The following CRIM1 variants were observed in gnomAD, a reference collection of about 807,000 sequenced individuals.
CRIM1 encodes the protein cysteine-rich motor neuron 1 protein.
In CRIM1, 32 loss-of-function variants were observed where a neutral mutation model predicts 116.4. The observed-to-expected ratio is 0.27, with a 90% CI of 0.21 to 0.37. The LOEUF (loss-of-function observed/expected upper bound fraction) is 0.37. Among genes scored for constraint, CRIM1 ranks in the 10% least tolerant of loss-of-function variants. The pLI, the probability that CRIM1 is intolerant of heterozygous loss-of-function variation, is 1.00. For synonymous variants in CRIM1, 590 were observed against 509.2 expected (o/e 1.16, Z -2.13); for missense variants, 1,331 against 1,354.8 (o/e 0.98, Z 0.28).
intron 2 of CRIM1, among the ~76,000 whole-genome samples, chr2:36,417,978 G>A (rs1372586422): frequency 6.6e-6 from 1 of 152,198 alleles, no homozygotes; most frequent in Non-Finnish European, 1.5e-5. Flanking sequence ...CCAAGGAGGT[G>A]ATGGTGGTGG....
intron 2 of CRIM1, 49 bp downstream of exon 2, chr2:36,396,836 G>A (rs867859585): frequency 2.1e-6 from 3 of 1,435,426 alleles, no homozygotes; most frequent in Admixed American, 3.6e-5. Flanking sequence ...TTAGCATTAT[G>A]TAACCCTGAG....
rs1247471841 is a variant in CRIM1 at position 36,549,576 on chromosome 2, A to G, written c.*875A>G. The G allele has an allele frequency of 6.6e-6, 1 of 152,072 alleles. No individual in the cohort carries two copies. The highest frequency in any genetic ancestry group is 1.5e-5 in the Non-Finnish European group (1 of 67,924). The allele number at this position is 152,072 out of a possible 1,614,324, so 9.4% of individuals were successfully genotyped here. A position where few individuals can be genotyped will look rare whatever the true frequency, so the allele number is the denominator to read the frequency against. ...CTGTTTGTTGTTGCTTTGTTCTGTT[A>G]TATTGTTGGTTGTTCATAGTTTTTG... On this transcript the variant is annotated 3_prime_UTR_variant, in exon 17 of 17. Transcript: ENST00000280527.
chr2:36,401,899 G>A (rs542173886), intron 2 of CRIM1, among the ~76,000 whole-genome samples: 1 of 152,274 alleles, frequency 6.6e-6, no homozygotes, highest in Non-Finnish European at 1.5e-5. Context: ...CAGCTCTCAT[G>A]GAGCTTAACT....
chr2:36,425,576 A>G (rs1674387431), intron 2 of CRIM1, among the ~76,000 whole-genome samples: 1 of 152,242 alleles, frequency 6.6e-6, no homozygotes, highest in Non-Finnish European at 1.5e-5. Context: ...CTTCACAATA[A>G]CATAATTTGG....
intron 13 of CRIM1, among the ~76,000 whole-genome samples, chr2:36,535,667 C>T (rs982604628): frequency 2.0e-5 from 3 of 152,138 alleles, no homozygotes; most frequent in African/African-American, 7.2e-5. Flanking sequence ...GTTTCTAACA[C>T]CCTCCCAATG....
Position 36,447,113 on chromosome 2 carries a change from TTAATTC to T in CRIM1, c.869+4381_869+4386del, listed in dbSNP as rs373328111. On this transcript the variant is annotated intron_variant, in intron 4 of 16. Transcript: ENST00000280527. ...TCCCTATTCATATCTTACCATCACTTTAATTCTATGAGGAATTTATAGGTATGAGAA... is the reference window on the plus strand; with the variant it reads ...TCCCTATTCATATCTTACCATCACTTTATGAGGAATTTATAGGTATGAGAA... Among the ~76,000 whole-genome samples the T allele has an allele frequency of 3.0e-3, 464 of 152,362 alleles. 2 individuals carry two copies. Among genetic ancestry groups the T allele is most frequent in the African/African-American group, 0.01 (420 of 41,580 alleles).
At chr2:36,489,054 T>C (rs1680042186) in intron 7 of CRIM1, among the ~76,000 whole-genome samples, 1 of 152,220 alleles carries the variant, frequency 6.6e-6, no homozygotes, top group African/African-American at 2.4e-5. Flanking sequence ...CCCCATTTCC[T>C]TACTTTAAAA....
At chr2:36,382,260 A>G (rs1294795959) in intron 1 of CRIM1, among the ~76,000 whole-genome samples, 1 of 152,240 alleles carries the variant, frequency 6.6e-6, no homozygotes, top group African/African-American at 2.4e-5. Context: ...GATGTTTAAA[A>G]TTAAATTCCA....
intron 7 of CRIM1, among the ~76,000 whole-genome samples, chr2:36,480,163 C>T (rs1389941877): frequency 6.6e-6 from 1 of 152,206 alleles, no homozygotes; most frequent in Non-Finnish European, 1.5e-5. Flanking sequence ...TTCTACTTCT[C>T]ATATACCAAT....
intron 4 of CRIM1, among the ~76,000 whole-genome samples, chr2:36,444,399 T>C (rs1676089299): frequency 6.6e-6 from 1 of 152,140 alleles, no homozygotes; most frequent in South Asian, 2.1e-4. Context: ...ATAGATTTCT[T>C]TCCGTCTGGA....
intron 15 of CRIM1, among the ~76,000 whole-genome samples, chr2:36,546,167 T>G (rs1667311784): frequency 6.6e-6 from 1 of 152,180 alleles, no homozygotes; most frequent in Non-Finnish European, 1.5e-5. Context: ...CTAAATTGAT[T>G]TTTAATGCAT....
At chr2:36,421,422 C>T (rs1423423865) in intron 2 of CRIM1, among the ~76,000 whole-genome samples, 1 of 152,084 alleles carries the variant, frequency 6.6e-6, no homozygotes, top group East Asian at 1.9e-4. Context: ...TTTTCAAAAA[C>T]CATTTTTATT....
intron 2 of CRIM1, among the ~76,000 whole-genome samples, chr2:36,405,480 C>T (rs567265768): frequency 6.6e-6 from 1 of 152,266 alleles, no homozygotes; most frequent in South Asian, 2.1e-4. Context: ...TCCTAAGTTT[C>T]TCAAACTTGA....
chr2:36,469,749 A>G (rs1204601581), intron 5 of CRIM1, among the ~76,000 whole-genome samples: 1 of 152,248 alleles, frequency 6.6e-6, no homozygotes, highest in Non-Finnish European at 1.5e-5. Context: ...TGATAGAATA[A>G]TGGAGATATT....
intron 4 of CRIM1, among the ~76,000 whole-genome samples, chr2:36,449,410 T>C (rs1410381229): frequency 6.6e-6 from 1 of 152,190 alleles, no homozygotes. Context: ...ACATTCTGTG[T>C]CATGCACTTT....
chr2:36,391,902 A>G (rs897397855), intron 1 of CRIM1, among the ~76,000 whole-genome samples: 1 of 152,218 alleles, frequency 6.6e-6, no homozygotes, highest in African/African-American at 2.4e-5. Context: ...GTGTACTTTC[A>G]GTAAAGCAAA....
At chr2:36,520,612 C>CCTG (rs1665322767) in intron 12 of CRIM1, among the ~76,000 whole-genome samples, 1 of 152,166 alleles carries the variant, frequency 6.6e-6, no homozygotes, top group South Asian at 2.1e-4. Flanking sequence ...TCAACTTATG[C>CCTG]CTGCTGCCTT....
At chr2:36,384,697 C>A (rs1671047364) in intron 1 of CRIM1, among the ~76,000 whole-genome samples, 2 of 151,984 alleles carry the variant, frequency 1.3e-5, no homozygotes, top group African/African-American at 4.8e-5. Context: ...TTCCATTGTC[C>A]CCTAATTTAT....
intron 1 of CRIM1, chr2:36,378,408 G>A (rs1184475973): frequency 2.1e-6 from 1 of 471,040 alleles, no homozygotes; most frequent in South Asian, 1.5e-5. Flanking sequence ...TCATCTCAAA[G>A]AGGAACAAAT....
Sources: allele counts gnomAD v4.1 joint callset (sites outside exome capture counted in the v4.1 genomes callset), GRCh38; gene constraint gnomAD v4.1.1; transcripts MANE v1.5; gene names NCBI Gene and HGNC (gene_info 2026-07-23, HGNC 2026-07-21).